The following PHACTR1 variants were observed in gnomAD, a reference collection of about 807,000 sequenced individuals.
PHACTR1 encodes RPEL repeat containing 1.
In PHACTR1, 16 loss-of-function variants were observed where a neutral mutation model predicts 69.2. The observed-to-expected ratio is 0.23, with a 90% CI of 0.16 to 0.35. The LOEUF (loss-of-function observed/expected upper bound fraction) is 0.35. Among genes scored for constraint, PHACTR1 ranks in the 10% least tolerant of loss-of-function variants. The pLI is 1.00. For missense variants in PHACTR1, 510 were observed against 734.7 expected (o/e 0.69, Z 3.54); for synonymous variants, 312 against 284.5 (o/e 1.10, Z -0.97).
intron 6 of PHACTR1, among the ~76,000 whole-genome samples, chr6:13,170,191 G>T (rs1007872490): frequency 2.6e-5 from 4 of 152,262 alleles, no homozygotes; most frequent in East Asian, 1.9e-4. Context: ...TGCACCAAAG[G>T]TTTTTCAGGA....
chr6:12,999,059 A>G (rs1004878510), intron 4 of PHACTR1, among the ~76,000 whole-genome samples: 1 of 152,344 alleles, frequency 6.6e-6, no homozygotes, highest in East Asian at 1.9e-4. Flanking sequence ...TAGTTAAGCT[A>G]AAGTTGCACG....
chr6:13,206,209 C>T, intron 8 of PHACTR1, 73 bp downstream of exon 8: 4 of 1,394,600 alleles, frequency 2.9e-6, no homozygotes, highest in Non-Finnish European at 3.9e-6. Context: ...GGATTTGGAC[C>T]ATGACTTAGG....
At chr6:12,798,915 G>A (rs986476851) in intron 4 of PHACTR1, among the ~76,000 whole-genome samples, 1 of 152,162 alleles carries the variant, frequency 6.6e-6, no homozygotes, top group African/African-American at 2.4e-5. Flanking sequence ...ATAGTTGATT[G>A]TTTTTCTCCA....
Position 12,856,734 on chromosome 6 carries a change from C to A in PHACTR1, c.250+106944C>A, listed in dbSNP as rs1447688689. On this transcript the variant is annotated intron_variant, in intron 4 of 14. Coordinates refer to ENST00000332995, the MANE Select transcript of PHACTR1 (RefSeq NM_030948.6). ...ATCCTGCGTTCCCTGATCGGCTGTTCACTCCAACCAGCTCTCAGCAGCTGT... is the reference window on the plus strand; with the variant it reads ...ATCCTGCGTTCCCTGATCGGCTGTTAACTCCAACCAGCTCTCAGCAGCTGT... Among the ~76,000 whole-genome samples the A allele has an allele frequency of 2.0e-5, 3 of 152,204 alleles. No individual in the cohort carries two copies. In the East Asian group the frequency reaches 5.8e-4, roughly 29 times the overall value.
At chr6:13,286,552 G>A (rs1781733083) in intron 14 of PHACTR1, among the ~76,000 whole-genome samples, 1 of 152,248 alleles carries the variant, frequency 6.6e-6, no homozygotes. Flanking sequence ...TTTGCAACCA[G>A]TCAGCAGAGG....
intron 4 of PHACTR1, among the ~76,000 whole-genome samples, chr6:12,904,543 A>C (rs1252105288): frequency 6.6e-6 from 1 of 152,088 alleles, no homozygotes; most frequent in African/African-American, 2.4e-5. Context: ...TCAAAAAAAA[A>C]AAAAAAAGTG....
In PHACTR1 at chr6:13,101,517, G is replaced by A. The variant is rs1815155835; in HGVS notation, c.415+47988G>A. On this transcript the variant is annotated intron_variant, in intron 5 of 14. Transcript: ENST00000332995. ...CCAACAACAGGAGCAGCTGACTCACGTGATTTCCGTCTACCACTTTTGCAA... is the reference window on the plus strand; with the variant it reads ...CCAACAACAGGAGCAGCTGACTCACATGATTTCCGTCTACCACTTTTGCAA... Among the ~76,000 whole-genome samples, 3 of 152,212 alleles carry A rather than the reference G, an allele frequency of 2.0e-5. No individual in the cohort carries two copies. The South Asian group carries it at 6.2e-4, about 32-fold the overall frequency.
chr6:12,985,398 C>T (rs1254362778), intron 4 of PHACTR1, among the ~76,000 whole-genome samples: 1 of 151,788 alleles, frequency 6.6e-6, no homozygotes. Flanking sequence ...CTCCTGTATA[C>T]CAGTAAGTAC....
rs545795556 is a variant in PHACTR1, at chr6:12,814,586, G to A, written c.250+64796G>A. 1.1e-3 allele frequency among the ~76,000 whole-genome samples: 173 copies of A among 152,256 alleles called. 2 individuals are homozygous for A. Among genetic ancestry groups the A allele is most frequent in the African/African-American group, 3.9e-3 (161 of 41,552 alleles). ...CCCTTGCCCCGCAGTTTCCCAACCTGTAAAATAAGGCTTTGACCACAGGAC... is the reference window on the plus strand; with the variant it reads ...CCCTTGCCCCGCAGTTTCCCAACCTATAAAATAAGGCTTTGACCACAGGAC... On this transcript the variant is annotated intron_variant, in intron 4 of 14. Transcript: ENST00000332995.
chr6:12,719,739 G>A (rs968921570), intron 3 of PHACTR1, among the ~76,000 whole-genome samples: 1 of 152,196 alleles, frequency 6.6e-6, no homozygotes, highest in African/African-American at 2.4e-5. Flanking sequence ...AGATGGTGAT[G>A]GGAACTTTAC....
chr6:13,008,427 C>T lies in PHACTR1; in HGVS notation c.251-44938C>T, dbSNP rs918156798. ...CTGAATATGACCTCCACTTACATACCCCTAAATTTCCTAAGGAATTTTCAC... is the reference window on the plus strand; with the variant it reads ...CTGAATATGACCTCCACTTACATACTCCTAAATTTCCTAAGGAATTTTCAC... On this transcript the variant is annotated intron_variant, in intron 4 of 14. Transcript: ENST00000332995. Among the ~76,000 whole-genome samples, 4 of 152,154 alleles carry T rather than the reference C, an allele frequency of 2.6e-5. 1 individual carries two copies. Among genetic ancestry groups the T allele is most frequent in the African/African-American group, 2.4e-5 (1 of 41,424 alleles).
Position 13,011,273 on chromosome 6 carries a change from AG to A in PHACTR1, c.251-42090del, listed in dbSNP as rs558013195. ...ATGTGAATTGTGGTTAGTGCAACTG[AG>A]GAAATGAATTTGAATTTTATTGAAT... On this transcript the variant is annotated intron_variant, in intron 4 of 14. Coordinates refer to ENST00000332995, the MANE Select transcript of PHACTR1 (RefSeq NM_030948.6). Among the ~76,000 whole-genome samples, 215 of 152,366 alleles carry A rather than the reference AG, an allele frequency of 1.4e-3. 1 individual carries two copies. Among genetic ancestry groups the A allele is most frequent in the East Asian group, 1.3e-3 (7 of 5,192 alleles).
At chr6:13,095,533 A>T (rs538174099) in intron 5 of PHACTR1, among the ~76,000 whole-genome samples, 5 of 152,254 alleles carry the variant, frequency 3.3e-5, no homozygotes, top group South Asian at 4.1e-4. Context: ...AGAAAAAAAA[A>T]ATATGTATTG....
intron 4 of PHACTR1, among the ~76,000 whole-genome samples, chr6:12,897,148 G>T (rs916710733): frequency 2.0e-5 from 3 of 152,156 alleles, no homozygotes; most frequent in African/African-American, 7.2e-5. Context: ...GTATAATAAT[G>T]AGACTCCTCA....
At chr6:13,269,854 C>CT (rs1057051683) in intron 10 of PHACTR1, among the ~76,000 whole-genome samples, 13 of 152,144 alleles carry the variant, frequency 8.5e-5, no homozygotes, top group African/African-American at 2.7e-4. Flanking sequence ...AAAAAACAAA[C>CT]TTTTTTTCAC....
intron 4 of PHACTR1, among the ~76,000 whole-genome samples, chr6:12,852,362 A>G (rs1021651972): frequency 6.6e-6 from 1 of 152,196 alleles, no homozygotes; most frequent in Admixed American, 6.5e-5. Context: ...CATAATCTCA[A>G]TCAGAAGAAT....
At chr6:13,093,544 A>C (rs1813638467) in intron 5 of PHACTR1, among the ~76,000 whole-genome samples, 2 of 152,216 alleles carry the variant, frequency 1.3e-5, no homozygotes, top group South Asian at 4.1e-4. Flanking sequence ...TACACATTTC[A>C]GGCCAATTTA....
intron 4 of PHACTR1, among the ~76,000 whole-genome samples, chr6:12,783,975 T>C (rs930208485): frequency 4.6e-5 from 7 of 152,140 alleles, no homozygotes; most frequent in African/African-American, 1.2e-4. Flanking sequence ...TATATACATA[T>C]ACACACACAT....
intron 5 of PHACTR1, among the ~76,000 whole-genome samples, chr6:13,138,583 T>C (rs1234831301): frequency 6.6e-6 from 1 of 152,196 alleles, no homozygotes; most frequent in Non-Finnish European, 1.5e-5. Context: ...TCATTTGTAC[T>C]GAATGTTGTA....
Sources: gnomAD v4.1 joint callset for allele counts (sites outside exome capture counted in the v4.1 genomes callset) on GRCh38, gnomAD v4.1.1 for gene constraint, MANE v1.5 for transcripts, NCBI Gene and HGNC (gene_info 2026-07-23, HGNC 2026-07-21) for gene names.